The following MNS1 variants were observed in gnomAD, a reference collection of about 807,000 sequenced individuals.
MNS1 encodes the protein meiosis specific nuclear structural 1, also known as meiosis-specific nuclear structural protein 1.
MNS1 carries 63 observed loss-of-function variants against 72.0 expected under a neutral mutation model. The ratio of observed to expected loss-of-function variants is 0.87; its 90% CI spans 0.71 to 1.08. The LOEUF (loss-of-function observed/expected upper bound fraction) is 1.08. MNS1 is among the 50% of genes least tolerant of loss of function. The probability of loss-of-function intolerance (pLI) is 0.00; values close to 1 mark genes in which losing one functional copy is unlikely to be tolerated. For synonymous variants in MNS1, 188 were observed against 172.1 expected (o/e 1.09, Z -0.72); for missense variants, 604 against 562.4 (o/e 1.07, Z -0.75).
At chr15:56,461,961 G>GTTT (rs201033116) in intron 2 of MNS1, among the ~76,000 whole-genome samples, 4 of 85,354 alleles carry the variant, frequency 4.7e-5, no homozygotes, top group African/African-American at 1.5e-4. Flanking sequence ...ATAACAAAGT[G>GTTT]TTTTTTTGTT....
chr15:56,437,685 T>C (rs1197501775), intron 7 of MNS1, among the ~76,000 whole-genome samples: 1 of 152,202 alleles, frequency 6.6e-6, no homozygotes, highest in Non-Finnish European at 1.5e-5. Flanking sequence ...TGTCCTTGTT[T>C]GCAGATGACA....
chr15:56,454,545 T>G (rs1036062246), intron 3 of MNS1, among the ~76,000 whole-genome samples: 1 of 152,160 alleles, frequency 6.6e-6, no homozygotes, highest in African/African-American at 2.4e-5. Context: ...GTTGTCTCTT[T>G]GGAGATAATC....
At chr15:56,442,719 G>A (rs2050839791) in intron 7 of MNS1, among the ~76,000 whole-genome samples, 1 of 152,092 alleles carries the variant, frequency 6.6e-6, no homozygotes, top group Admixed American at 6.5e-5. Flanking sequence ...AAGGAAAACA[G>A]ACACTGGGGC....
intron 3 of MNS1, among the ~76,000 whole-genome samples, chr15:56,453,927 G>T (rs2050964013): frequency 6.6e-6 from 1 of 152,014 alleles, no homozygotes; most frequent in Non-Finnish European, 1.5e-5. Flanking sequence ...CTTAATATAG[G>T]TGATTTTAAA....
intron 8 of MNS1, among the ~76,000 whole-genome samples, chr15:56,432,238 A>G (rs2050615887): frequency 6.6e-6 from 1 of 152,218 alleles, no homozygotes; most frequent in Admixed American, 6.5e-5. Flanking sequence ...GGCAGGCCAC[A>G]TTCAATGTTT....
chr15:56,446,518 A>G (rs1308906329), intron 4 of MNS1, among the ~76,000 whole-genome samples: 2 of 152,078 alleles, frequency 1.3e-5, no homozygotes, highest in African/African-American at 2.4e-5. Context: ...TAAAAATTTC[A>G]TAACATTCTA....
chr15:56,429,137 T>A lies in MNS1; in HGVS notation c.1452A>T (p.Val484=). ...CACAAATTTCACTCCTTTGTTGATA[T>A]ACTTTCCTGAACTCTTCACCAAGCA... ...IDLLGEEFRK[V]YQQRSEICEE... The change falls in exon 10 of 10, where the codon GTA becomes GTT. Residue 484 remains valine, a synonymous_variant. Coordinates refer to ENST00000260453, the MANE Select transcript of MNS1 (RefSeq NM_018365.4). 1.9e-6 allele frequency: 3 copies of A among 1,602,936 alleles called. No homozygotes were observed. Among genetic ancestry groups the A allele is most frequent in the Non-Finnish European group, 2.6e-6 (3 of 1,175,592 alleles).
chr15:56,434,781 A>G (rs979234541), intron 7 of MNS1, among the ~76,000 whole-genome samples: 5 of 152,054 alleles, frequency 3.3e-5, no homozygotes, highest in East Asian at 1.9e-4. Flanking sequence ...CAAACCACCC[A>G]TAAGTATTTT....
In MNS1 at chr15:56,444,660, T is replaced by G; in HGVS notation, c.470A>C (p.Glu157Ala). The G allele has an allele frequency of 6.2e-7, 1 of 1,611,184 alleles. No homozygotes were observed. The highest frequency in any genetic ancestry group is 8.5e-7 in the Non-Finnish European group (1 of 1,179,030). ...IKYEQMKRDA[E>A]IAKTMMEEHK... Reference sequence around the variant, plus strand: ...TTCTTCCATCATGGTTTTGGCTATTTCAGCATCACGTTTCTGTTATTAAAA... The same window carrying G: ...TTCTTCCATCATGGTTTTGGCTATTGCAGCATCACGTTTCTGTTATTAAAA... Residue 157 changes from glutamate (E) to alanine (A), a missense_variant, in exon 5 of 10, where the codon GAA becomes GCA. Glu to Ala is a moderately radical substitution (Grantham distance 107, BLOSUM62 -1). Transcript: ENST00000260453.
intron 2 of MNS1, among the ~76,000 whole-genome samples, chr15:56,460,361 C>T (rs1596269157): frequency 7.4e-6 from 1 of 136,048 alleles, no homozygotes; most frequent in African/African-American, 2.8e-5. Context: ...GTTGTAGCAG[C>T]ATGCTATGTG....
At chr15:56,431,610 C>T in intron 8 of MNS1, 112 bp from the exon 9 acceptor site, 1 of 939,494 alleles carries the variant, frequency 1.1e-6, no homozygotes, top group Non-Finnish European at 1.6e-6. Context: ...CTATTTATGA[C>T]ACTAAGTTCA....
chr15:56,452,471 G>A (rs1486214850), intron 3 of MNS1, among the ~76,000 whole-genome samples: 1 of 151,720 alleles, frequency 6.6e-6, no homozygotes, highest in Non-Finnish European at 1.5e-5. Context: ...CAGACTCCCA[G>A]AAAGAAAATG....
At chr15:56,443,930 A>G in intron 5 of MNS1, 76 bp from the exon 6 acceptor site, 1 of 1,136,250 alleles carries the variant, frequency 8.8e-7, no homozygotes, top group Non-Finnish European at 1.2e-6. Context: ...GTTCATAATA[A>G]TGTACAGAAA....
intron 7 of MNS1, among the ~76,000 whole-genome samples, chr15:56,435,979 T>C (rs1437209721): frequency 6.6e-6 from 1 of 152,080 alleles, no homozygotes; most frequent in Non-Finnish European, 1.5e-5. Flanking sequence ...GATGCAAGAC[T>C]GGTTCAATAC....
chr15:56,431,121 T>C (rs1238381945), intron 9 of MNS1, among the ~76,000 whole-genome samples: 4 of 152,162 alleles, frequency 2.6e-5, no homozygotes, highest in African/African-American at 9.7e-5. Context: ...GCCACTGCAC[T>C]CCAGCCTGGG....
At chr15:56,463,756 T>C (rs1326031550) in intron 2 of MNS1, 1 of 344,706 alleles carries the variant, frequency 2.9e-6, no homozygotes, top group Non-Finnish European at 5.2e-6. Flanking sequence ...CACTGCAACC[T>C]GGGCGACAGA....
chr15:56,463,865 C>G (rs2051039468), intron 2 of MNS1, 161 bp downstream of exon 2: 1 of 616,596 alleles, frequency 1.6e-6, no homozygotes, highest in South Asian at 2.1e-5. Context: ...AGGCCGGCTC[C>G]AGAAACCCAG....
chr15:56,433,920 T>C (rs541883439), intron 8 of MNS1, among the ~76,000 whole-genome samples: 11 of 152,170 alleles, frequency 7.2e-5, no homozygotes, highest in Non-Finnish European at 1.3e-4. Flanking sequence ...TAGTTTTATT[T>C]ACCTTTTATG....
chr15:56,428,972 A>G lies in MNS1; in HGVS notation c.*129T>C. Reference sequence around the variant, plus strand: ...CTGATAATTGTTTACAAGTTATGAAATTCAGTGATGATTTACAAAATCCAA... The same window carrying G: ...CTGATAATTGTTTACAAGTTATGAAGTTCAGTGATGATTTACAAAATCCAA... On this transcript the variant is annotated 3_prime_UTR_variant, in exon 10 of 10. Transcript: ENST00000260453. 3.5e-6 allele frequency: 2 copies of G among 568,578 alleles called. No individual in the cohort carries two copies. The highest frequency in any genetic ancestry group is 6.1e-6 in the Non-Finnish European group (2 of 327,774). 35.2% of individuals were successfully genotyped at this position (568,578 alleles called of 1,614,324 possible). A position where few individuals can be genotyped will look rare whatever the true frequency, so the allele number is the denominator to read the frequency against.
Sources: allele counts gnomAD v4.1 joint callset (sites outside exome capture counted in the v4.1 genomes callset), GRCh38; gene constraint gnomAD v4.1.1; transcripts MANE v1.5; gene names NCBI Gene and HGNC (gene_info 2026-07-23, HGNC 2026-07-21).